The following IFIH1 variants were observed in gnomAD, a reference collection of about 807,000 sequenced individuals.
The protein encoded by IFIH1 is interferon induced with helicase C domain 1, also known as interferon-induced helicase C domain-containing protein 1.
Under a neutral mutation model 107.4 loss-of-function variants are expected in IFIH1, and 125 were observed. That is an observed-to-expected ratio of 1.16 (90% confidence interval 1.01 to 1.35). The LOEUF is 1.35. IFIH1 is among the 40% of genes most tolerant of loss of function. The pLI is 0.00. For missense variants in IFIH1, 1,333 were observed against 1,213.7 expected, an observed-to-expected ratio of 1.10 and a Z score of -1.46; for synonymous variants, 458 against 413.2, an observed-to-expected ratio of 1.11 and a Z score of -1.31.
At chr2:162,281,188 T>C in intron 7 of IFIH1, 140 bp downstream of exon 7, 1 of 620,606 alleles carries the variant, frequency 1.6e-6, no homozygotes. Flanking sequence ...AGACTGAGTA[T>C]ATTTATTGTA....
At position 162,276,262 on chromosome 2, in the gene IFIH1, G is replaced by A. The variant is rs1691152806; in HGVS notation, c.2304+425C>T. 2.0e-5 allele frequency among the ~76,000 whole-genome samples: 3 copies of A among 152,146 alleles called. No individual in the cohort carries two copies. The South Asian group carries it at 6.2e-4, about 32-fold the overall frequency. ...GTATTCATGGGTGGTGAGAGGATTG[G>A]TAGAAAAAGACTAAAAACAATTTGA... On this transcript the variant is annotated intron_variant, in intron 11 of 15. Transcript: ENST00000649979.
At chr2:162,270,138 G>A (rs573191385) in intron 13 of IFIH1, among the ~76,000 whole-genome samples, 42 of 152,100 alleles carry the variant, frequency 2.8e-4, no homozygotes, top group Non-Finnish European at 4.6e-4. Flanking sequence ...AGTAACTAGA[G>A]GGGTAAACAA....
At chr2:162,304,914 G>A (rs930938379) in intron 3 of IFIH1, among the ~76,000 whole-genome samples, 2 of 152,128 alleles carry the variant, frequency 1.3e-5, no homozygotes, top group Admixed American at 1.3e-4. Flanking sequence ...TGTTAAAATA[G>A]TATAAATCAT....
chr2:162,301,452 T>C (rs1683192214), intron 3 of IFIH1, among the ~76,000 whole-genome samples: 1 of 152,136 alleles, frequency 6.6e-6, no homozygotes, highest in Admixed American at 6.5e-5. Context: ...ATTAAAGAAG[T>C]TTGGGGGGAT....
rs367851471 is a variant in IFIH1 at position 162,318,078 on chromosome 2, C to A, written c.230G>T (p.Arg77Leu). 7.4e-6 allele frequency: 12 copies of A among 1,614,156 alleles called. No homozygotes were observed. Among genetic ancestry groups the A allele is most frequent in the South Asian group, 1.1e-5 (1 of 91,082 alleles). The change falls in exon 1 of 16, where the codon CGG becomes CTG. Residue 77 changes from arginine to leucine, a missense_variant. Coordinates refer to ENST00000649979, the MANE Select transcript of IFIH1 (RefSeq NM_022168.4). ...TCTCCGGAGGGCCTCCACGAATTCC[C>A]GAGTCCAACCAAGGTGCCAGACTCC... Reference protein sequence around the residue: ...EKGVWHLGWTREFVEALRRTG... With the variant: ...EKGVWHLGWTLEFVEALRRTG...
Position 162,281,320 on chromosome 2 carries a change from T to C in IFIH1, c.1524+8A>G. On this transcript the variant is annotated splice_region_variant and intron_variant, in intron 7 of 15. Coordinates refer to ENST00000649979, the MANE Select transcript of IFIH1 (RefSeq NM_022168.4). Reference sequence around the variant, plus strand: ...CTTTCATTGGTTATACATAAAATTATGACTTACTTTTAAAATGTGTTCTTC... The same window carrying C: ...CTTTCATTGGTTATACATAAAATTACGACTTACTTTTAAAATGTGTTCTTC... 1 of 1,604,670 alleles carries C rather than the reference T, an allele frequency of 6.2e-7. No individual in the cohort carries two copies. The highest frequency in any genetic ancestry group is 8.5e-7 in the Non-Finnish European group (1 of 1,172,682).
chr2:162,301,342 GAA>G (rs1683190081), intron 3 of IFIH1, among the ~76,000 whole-genome samples: 3 of 152,134 alleles, frequency 2.0e-5, no homozygotes, highest in African/African-American at 7.2e-5. Flanking sequence ...CTGAAACAGT[GAA>G]ATTCCATTGG....
At chr2:162,317,630 A>G (rs1251595100) in intron 1 of IFIH1, among the ~76,000 whole-genome samples, 1 of 152,236 alleles carries the variant, frequency 6.6e-6, no homozygotes, top group Non-Finnish European at 1.5e-5. Context: ...ACACATTACG[A>G]TTCTAGAGTT....
At chr2:162,272,699 G>T (rs1471206615) in intron 12 of IFIH1, among the ~76,000 whole-genome samples, 1 of 152,066 alleles carries the variant, frequency 6.6e-6, no homozygotes, top group Non-Finnish European at 1.5e-5. Flanking sequence ...TGAGAACCAC[G>T]ATCAATGACT....
chr2:162,291,868 G>A (rs888022327), intron 4 of IFIH1, among the ~76,000 whole-genome samples: 2 of 151,846 alleles, frequency 1.3e-5, no homozygotes, highest in Non-Finnish European at 2.9e-5. Flanking sequence ...TACCCACTAG[G>A]CAAAGTAATT....
chr2:162,291,812 A>G (rs116543979), intron 4 of IFIH1, among the ~76,000 whole-genome samples: 2 of 151,866 alleles, frequency 1.3e-5, no homozygotes, highest in East Asian at 3.9e-4. Flanking sequence ...TATACCAGGC[A>G]CTTGTGGGCA....
intron 1 of IFIH1, among the ~76,000 whole-genome samples, chr2:162,314,420 C>CTTTCT (rs1558877471): frequency 2.7e-3 from 93 of 34,188 alleles, no homozygotes; most frequent in African/African-American, 8.4e-3. Flanking sequence ...TCTTTCTTTT[C>CTTTCT]TTTCTTTCTT....
chr2:162,290,260 G>C (rs1469786808), intron 4 of IFIH1, among the ~76,000 whole-genome samples: 1 of 151,720 alleles, frequency 6.6e-6, no homozygotes, highest in East Asian at 1.9e-4. Flanking sequence ...TATTAAAAGA[G>C]TACATTTTAA....
rs143375674 is a variant in IFIH1, at chr2:162,302,746, C to T, written c.769+3963G>A. ...AAGATAACAAGGAAACAAACAGATACCTGGAATGACAGCAGCAGTCTAAAG... is the reference window on the plus strand; with the variant it reads ...AAGATAACAAGGAAACAAACAGATATCTGGAATGACAGCAGCAGTCTAAAG... On this transcript the variant is annotated intron_variant, in intron 3 of 15. Coordinates refer to ENST00000649979, the MANE Select transcript of IFIH1 (RefSeq NM_022168.4). Among the ~76,000 whole-genome samples, 625 of 152,218 alleles carry T rather than the reference C, an allele frequency of 4.1e-3. 5 individuals carry two copies. Among genetic ancestry groups the T allele is most frequent in the African/African-American group, 0.014 (594 of 41,528 alleles).
At position 162,318,548 on chromosome 2, in the gene IFIH1, A is replaced by C. The variant is rs1468468684; in HGVS notation, c.-241T>G. ...GCGGGGCGGCGCGCGGGGCCGCGGC[A>C]GGCAGGTGCGGCCGGCAGGCGCGGC... On this transcript the variant is annotated 5_prime_UTR_variant, in exon 1 of 16. Transcript: ENST00000649979. 1 of 279,166 alleles carries C rather than the reference A, an allele frequency of 3.6e-6. No individual in the cohort carries two copies. 17.3% of individuals were successfully genotyped at this position (279,166 alleles called of 1,614,324 possible). A position where few individuals can be genotyped will look rare whatever the true frequency, so the allele number is the denominator to read the frequency against.
intron 2 of IFIH1, among the ~76,000 whole-genome samples, chr2:162,307,973 G>A (rs79711023): frequency 0.021 from 3,257 of 152,256 alleles, 60 homozygotes; most frequent in South Asian, 0.04. Context: ...TTACTGAGGA[G>A]TAAACTGAGG....
At chr2:162,292,164 CA>C (rs1239555595) in intron 4 of IFIH1, among the ~76,000 whole-genome samples, 1 of 151,764 alleles carries the variant, frequency 6.6e-6, no homozygotes, top group Non-Finnish European at 1.5e-5. Flanking sequence ...TGAAAATTAG[CA>C]TGATCTCCAA....
rs1479129505 is a variant in IFIH1, at chr2:162,281,466, C to T, written c.1386G>A (p.Leu462=). 4 of 1,612,144 alleles carry T rather than the reference C, an allele frequency of 2.5e-6. No individual in the cohort carries two copies. In the South Asian group the frequency reaches 4.4e-5, roughly 18 times the overall value. ...GTCTATTGTTTTTCAACTTCTGCATCAAATAATGCCTCATGATGTTATTAT... is the reference window on the plus strand; with the variant it reads ...GTCTATTGTTTTTCAACTTCTGCATTAAATAATGCCTCATGATGTTATTAT... ...AVYNNIMRHY[L]MQKLKNNRLK... Residue 462 remains leucine (L), a synonymous_variant, in exon 7 of 16, where the codon TTG becomes TTA. Transcript: ENST00000649979.
chr2:162,305,153 C>A (rs1053524391), intron 3 of IFIH1, among the ~76,000 whole-genome samples: 2 of 152,094 alleles, frequency 1.3e-5, no homozygotes, highest in Non-Finnish European at 1.5e-5. Flanking sequence ...ATGTAAAAAG[C>A]CCAGAAGCAC....
Sources: allele counts gnomAD v4.1 joint callset (sites outside exome capture counted in the v4.1 genomes callset), GRCh38; gene constraint gnomAD v4.1.1; transcripts MANE v1.5; gene names NCBI Gene and HGNC (gene_info 2026-07-23, HGNC 2026-07-21).